Variants in TYW1B observed in about 807,000 individuals in gnomAD.
TYW1B encodes tRNA-yW synthesizing protein 1 homolog B.
TYW1B carries 73 observed loss-of-function variants against 86.9 expected under a neutral mutation model. The observed-to-expected ratio is 0.84, with a 90% CI of 0.70 to 1.02. The LOEUF (loss-of-function observed/expected upper bound fraction) is 1.02. Among genes scored for constraint, TYW1B ranks in the 50% least tolerant of loss-of-function variants. The pLI is 0.00. For synonymous variants in TYW1B, 248 were observed against 292.8 expected, an observed-to-expected ratio of 0.85 and a Z score of 1.56; for missense variants, 637 against 827.4, an observed-to-expected ratio of 0.77 and a Z score of 2.82.
intron 13 of TYW1B, among the ~76,000 whole-genome samples, chr7:72,598,036 T>G (rs1381079379): frequency 2.3e-5 from 3 of 133,156 alleles, no homozygotes; most frequent in Non-Finnish European, 4.9e-5. Context: ...TCAACTTTGA[T>G]TGTATTGAAG....
At chr7:72,757,101 C>T (rs1299640351) in intron 7 of TYW1B, among the ~76,000 whole-genome samples, 2 of 152,146 alleles carry the variant, frequency 1.3e-5, no homozygotes, top group African/African-American at 4.8e-5. Context: ...GGCATGGTGG[C>T]TCATGCCTGT....
At chr7:72,690,458 A>C (rs779015709) in intron 11 of TYW1B, among the ~76,000 whole-genome samples, 16 of 152,254 alleles carry the variant, frequency 1.1e-4, no homozygotes, top group Non-Finnish European at 1.9e-4. Context: ...ATTTTGACAA[A>C]GGATAAAGAT....
chr7:72,736,669 T>G (rs1476318028), intron 8 of TYW1B, among the ~76,000 whole-genome samples: 1 of 152,224 alleles, frequency 6.6e-6, no homozygotes, highest in Non-Finnish European at 1.5e-5. Flanking sequence ...TAATCTACTT[T>G]CTGTCTCTAC....
intron 12 of TYW1B, 64 bp from the exon 13 acceptor site, chr7:72,616,903 C>A: frequency 7.5e-6 from 12 of 1,592,450 alleles, no homozygotes; most frequent in Non-Finnish European, 1.0e-5. Flanking sequence ...AGAAGACTTT[C>A]AGAGCCGGAA....
chr7:72,824,618 G>T (rs1375066376), intron 2 of TYW1B, among the ~76,000 whole-genome samples: 1 of 152,074 alleles, frequency 6.6e-6, no homozygotes, highest in African/African-American at 2.4e-5. Context: ...GCAGGCACCT[G>T]TAATCCCAGC....
chr7:72,775,742 A>AC (rs1787943305), intron 7 of TYW1B, among the ~76,000 whole-genome samples: 1 of 151,952 alleles, frequency 6.6e-6, no homozygotes, highest in African/African-American at 2.4e-5. Context: ...AAAAAAAAAA[A>AC]CAAAAAACAA....
chr7:72,587,418 G>A (rs1811300277), intron 13 of TYW1B, among the ~76,000 whole-genome samples: 1 of 152,138 alleles, frequency 6.6e-6, no homozygotes, highest in Non-Finnish European at 1.5e-5. Flanking sequence ...AGCATTCAGG[G>A]AGCAGAGTTT....
rs1431929454 is a variant in TYW1B at position 72,637,133 on chromosome 7, A to G, written c.1507-8136T>C. ...GAGCAAAACTCCATCTCAAAAAAAA[A>G]TTATTCTGAACTAATGAAGTGAGAT... On this transcript the variant is annotated intron_variant, in intron 11 of 13. Transcript: ENST00000620995. Among the ~76,000 whole-genome samples, 3 of 152,270 alleles carry G rather than the reference A, an allele frequency of 2.0e-5. No homozygotes were observed. In the East Asian group the frequency reaches 5.8e-4, roughly 29 times the overall value.
At chr7:72,582,818 C>T (rs1811187289) in intron 13 of TYW1B, among the ~76,000 whole-genome samples, 1 of 152,024 alleles carries the variant, frequency 6.6e-6, no homozygotes, top group African/African-American at 2.4e-5. Flanking sequence ...GAGTTGTTAA[C>T]AAAAGAACAC....
At chr7:72,713,484 C>G (rs1285318613) in intron 10 of TYW1B, 137 bp downstream of exon 10, 1 of 862,230 alleles carries the variant, frequency 1.2e-6, no homozygotes, top group African/African-American at 1.7e-5. Context: ...GCAGGACCAT[C>G]TTCACCTCCC....
Position 72,601,343 on chromosome 7 carries a change from A to G in TYW1B, c.1785+15329T>C, listed in dbSNP as rs573649100. Among the ~76,000 whole-genome samples, 27 of 150,276 alleles carry G rather than the reference A, an allele frequency of 1.8e-4. No homozygotes were observed. In the South Asian group the frequency reaches 5.7e-3, roughly 32 times the overall value. On this transcript the variant is annotated intron_variant, in intron 13 of 13. Transcript: ENST00000620995. ...AATCTATTAGAATAGCTAAACCTCA[A>G]AAAAAAAAACAAAAAAAACCTGATA...
At chr7:72,694,084 C>T (rs145416705) in intron 11 of TYW1B, among the ~76,000 whole-genome samples, 1 of 152,094 alleles carries the variant, frequency 6.6e-6, no homozygotes, top group African/African-American at 2.4e-5. Context: ...CCTCAGCCTC[C>T]CAAACAGCTG....
chr7:72,698,657 A>AAAAG (rs1462506087), intron 10 of TYW1B, among the ~76,000 whole-genome samples: 2 of 151,712 alleles, frequency 1.3e-5, no homozygotes, highest in Admixed American at 6.6e-5. Flanking sequence ...AAAAAAAAAA[A>AAAAG]AAAGAAAGAA....
intron 7 of TYW1B, among the ~76,000 whole-genome samples, chr7:72,756,944 A>G (rs1322328850): frequency 6.6e-6 from 1 of 152,192 alleles, no homozygotes; most frequent in Non-Finnish European, 1.5e-5. Flanking sequence ...ACCACCTGAT[A>G]CGCCCTAGGA....
In TYW1B at chr7:72,718,262, TAA is replaced by T. The variant is rs1786828333; in HGVS notation, c.1193-4466_1193-4465del. The stretch of plus-strand genomic sequence containing the variant: ...CACGTTCTCACTTTTAAGTGGGAAC[TAA>T]CCAATGGGTACACACGGACCTAAAG... On this transcript the variant is annotated intron_variant, in intron 9 of 13. Transcript: ENST00000620995. 2.6e-5 allele frequency among the ~76,000 whole-genome samples: 4 copies of T among 152,138 alleles called. No individual in the cohort carries two copies. The South Asian group carries it at 8.3e-4, about 32-fold the overall frequency.
At chr7:72,825,101 C>CA (rs58039217) in intron 2 of TYW1B, among the ~76,000 whole-genome samples, 12,275 of 74,712 alleles carry the variant, frequency 0.16, 700 homozygotes, top group East Asian at 0.39. Flanking sequence ...ACCCTGTCTC[C>CA]AAAAAAAAAA....
intron 12 of TYW1B, among the ~76,000 whole-genome samples, chr7:72,623,360 G>A (rs1213857060): frequency 6.6e-6 from 1 of 152,040 alleles, no homozygotes; most frequent in Non-Finnish European, 1.5e-5. Context: ...CACATCTTGG[G>A]GGCATTTATA....
rs1339209816 is a variant in TYW1B, at chr7:72,739,622, A to AG, written c.1082+4861dup. 6.3e-3 allele frequency among the ~76,000 whole-genome samples: 939 copies of AG among 149,034 alleles called. 15 individuals are homozygous for AG. Among genetic ancestry groups the AG allele is most frequent in the African/African-American group, 0.023 (910 of 40,278 alleles). ...CTCCGTCTCCAAAAAAAAAAAAAAA[A>AG]GTGGGTAGAGGGGTTAACAAAGGTC... On this transcript the variant is annotated intron_variant, in intron 8 of 13. Transcript: ENST00000620995.
rs1585973490 is a variant in TYW1B, at chr7:72,773,837, G to A, written c.964+3579C>T. On this transcript the variant is annotated intron_variant, in intron 7 of 13. Coordinates refer to ENST00000620995, the MANE Select transcript of TYW1B (RefSeq NM_001145440.3). ...CCCAGCACTTTGGGAGGCCAAGGCG[G>A]GTGGATCACCTGAGGTCAGGAGTTC... is the stretch of plus-strand genomic sequence containing the variant. 3.3e-5 allele frequency among the ~76,000 whole-genome samples: 5 copies of A among 152,250 alleles called. No individual in the cohort carries two copies. The East Asian group carries it at 9.7e-4, about 29-fold the overall frequency.
Sources: gnomAD v4.1 joint callset for allele counts (sites outside exome capture counted in the v4.1 genomes callset) on GRCh38, gnomAD v4.1.1 for gene constraint, MANE v1.5 for transcripts, NCBI Gene and HGNC (gene_info 2026-07-23, HGNC 2026-07-21) for gene names.